The following C3orf49 variants were observed in gnomAD, a reference collection of about 807,000 sequenced individuals.
C3orf49 encodes the protein chromosome 3 open reading frame 49.
In C3orf49, 27 loss-of-function variants were observed where a neutral mutation model predicts 13.3. The ratio of observed to expected loss-of-function variants is 2.02; its 90% CI spans 1.49 to 2.79. The LOEUF (loss-of-function observed/expected upper bound fraction) is 2.79. Ranked by LOEUF, C3orf49 falls within the 30% of genes most tolerant of loss-of-function variation. The probability of loss-of-function intolerance (pLI) is 0.00; values close to 1 mark genes in which losing one functional copy is unlikely to be tolerated. For missense variants in C3orf49, 242 were observed against 134.2 expected (o/e 1.80, Z -3.97); for synonymous variants, 87 against 47.6 (o/e 1.83, Z -3.40).
At chr3:63,834,057 G>T in intron 5 of C3orf49, 2 of 1,448,416 alleles carry the variant, frequency 1.4e-6, no homozygotes, top group Non-Finnish European at 1.9e-6. Context: ...TATCTCAAGA[G>T]CATACCACAT....
the C3orf49 span, among the ~76,000 whole-genome samples, chr3:63,797,652 T>C: frequency 6.6e-6 from 1 of 152,130 alleles, no homozygotes; most frequent in Admixed American, 6.6e-5. Flanking sequence ...TAAGCAGAGA[T>C]TGGCTAGCAG....
the C3orf49 span, among the ~76,000 whole-genome samples, chr3:63,811,179 T>C: frequency 1.3e-5 from 2 of 152,214 alleles, no homozygotes; most frequent in Non-Finnish European, 2.9e-5. Context: ...AGGGCTGGCA[T>C]TTTATTATGC....
At chr3:63,824,763 G>A (rs1212456189) in intron 2 of C3orf49, among the ~76,000 whole-genome samples, 1 of 151,132 alleles carries the variant, frequency 6.6e-6, no homozygotes, top group Non-Finnish European at 1.5e-5. Context: ...CTTGAATCTG[G>A]GAGTCGGAGA....
the C3orf49 span, among the ~76,000 whole-genome samples, chr3:63,789,052 C>G: frequency 6.6e-6 from 1 of 152,276 alleles, no homozygotes; most frequent in African/African-American, 2.4e-5. Flanking sequence ...CAGACCAGTA[C>G]TGGTACGTCA....
chr3:63,824,779 G>A (rs1701444162), intron 2 of C3orf49, among the ~76,000 whole-genome samples: 1 of 147,158 alleles, frequency 6.8e-6, no homozygotes, highest in Non-Finnish European at 1.5e-5. Context: ...GGAGATTGCA[G>A]TGAGCCAAGA....
intron 6 of C3orf49, chr3:63,846,297 C>A: frequency 2.5e-6 from 1 of 399,954 alleles, no homozygotes; most frequent in Non-Finnish European, 5.0e-6. Context: ...GACTTGCACT[C>A]CCTGGACAAA....
the C3orf49 span, among the ~76,000 whole-genome samples, chr3:63,787,920 C>T: frequency 2.0e-5 from 3 of 152,110 alleles, no homozygotes; most frequent in South Asian, 4.1e-4. Flanking sequence ...CCACAGAATC[C>T]GCTTTATTCC....
the C3orf49 span, among the ~76,000 whole-genome samples, chr3:63,799,884 T>TTTTGAAA: frequency 6.6e-6 from 1 of 152,038 alleles, no homozygotes; most frequent in African/African-American, 2.4e-5. Context: ...AGACCTAGAG[T>TTTTGAAA]TTTGAAATAC....
At chr3:63,803,501 C>T in the C3orf49 span, among the ~76,000 whole-genome samples, 1 of 152,318 alleles carries the variant, frequency 6.6e-6, no homozygotes, top group African/African-American at 2.4e-5. Context: ...CAGACTGAAG[C>T]CAAACCAGGC....
At chr3:63,832,235 T>C in intron 5 of C3orf49, 1 of 158,532 alleles carries the variant, frequency 6.3e-6, no homozygotes, top group Non-Finnish European at 1.4e-5. Flanking sequence ...CAAGAGATTC[T>C]TATCTTTTGG....
intron 6 of C3orf49, among the ~76,000 whole-genome samples, chr3:63,845,737 G>C (rs1215994036): frequency 6.6e-6 from 1 of 152,170 alleles, no homozygotes; most frequent in East Asian, 1.9e-4. Flanking sequence ...TTTTGGCTTT[G>C]GAAGACCCAA....
the C3orf49 span, among the ~76,000 whole-genome samples, chr3:63,794,248 T>C: frequency 6.6e-6 from 1 of 152,058 alleles, no homozygotes; most frequent in Non-Finnish European, 1.5e-5. Flanking sequence ...ACTTGCCATT[T>C]TGAATATGTT....
chr3:63,794,757 C>T, the C3orf49 span, among the ~76,000 whole-genome samples: 2 of 152,180 alleles, frequency 1.3e-5, no homozygotes, highest in Admixed American at 1.3e-4. Context: ...TCTCCCTCAA[C>T]ATCTCAGCTG....
chr3:63,835,117 C>A, intron 5 of C3orf49: 1 of 1,601,428 alleles, frequency 6.2e-7, no homozygotes, highest in Non-Finnish European at 8.5e-7. Context: ...TTTAAAAAAT[C>A]TTCATAAGCA....
chr3:63,839,597 T>C (rs1701713407), intron 5 of C3orf49: 12 of 1,427,266 alleles, frequency 8.4e-6, no homozygotes, highest in African/African-American at 2.8e-5. Context: ...AGGACCTTAA[T>C]ATAGGGCCTA....
chr3:63,847,977 T>C (rs938567023), intron 6 of C3orf49, among the ~76,000 whole-genome samples: 4 of 152,128 alleles, frequency 2.6e-5, no homozygotes, highest in African/African-American at 9.7e-5. Flanking sequence ...CCTTCTAGAA[T>C]TCAGGCACAA....
the C3orf49 span, among the ~76,000 whole-genome samples, chr3:63,801,351 T>C: frequency 2.0e-5 from 3 of 150,904 alleles, no homozygotes; most frequent in East Asian, 5.9e-4. Flanking sequence ...GTGAAAGAGA[T>C]ACATACACGG....
the C3orf49 span, among the ~76,000 whole-genome samples, chr3:63,786,384 A>G: frequency 9.2e-5 from 14 of 152,254 alleles, no homozygotes; most frequent in African/African-American, 3.1e-4. Flanking sequence ...TATGTTCAGT[A>G]TGTTATCTGA....
chr3:63,789,838 A>G, the C3orf49 span, among the ~76,000 whole-genome samples: 1 of 150,288 alleles, frequency 6.7e-6, no homozygotes, highest in African/African-American at 2.5e-5. Context: ...AAAAAAAGGA[A>G]GTACAATGGG....
Sources: allele counts gnomAD v4.1 joint callset (sites outside exome capture counted in the v4.1 genomes callset), GRCh38; gene constraint gnomAD v4.1.1; transcripts MANE v1.5; gene names NCBI Gene and HGNC (gene_info 2026-07-23, HGNC 2026-07-21).